The following DIXDC1 variants were observed in gnomAD, a reference collection of about 807,000 sequenced individuals.
The protein encoded by DIXDC1 is dixin.
Under a neutral mutation model 103.1 loss-of-function variants are expected in DIXDC1, and 64 were observed. The ratio of observed to expected loss-of-function variants is 0.62; its 90% confidence interval spans 0.51 to 0.76. The LOEUF is 0.76. DIXDC1 is among the 30% of genes least tolerant of loss of function. The probability of loss-of-function intolerance (pLI) is 0.00; values close to 1 mark genes in which losing one functional copy is unlikely to be tolerated. For synonymous variants in DIXDC1, 266 were observed against 298.5 expected (o/e 0.89, Z 1.12); for missense variants, 759 against 834.2 (o/e 0.91, Z 1.11).
chr11:111,981,203 T>C (rs1860295871), intron 6 of DIXDC1, among the ~76,000 whole-genome samples: 2 of 152,272 alleles, frequency 1.3e-5, no homozygotes, highest in South Asian at 2.1e-4. Flanking sequence ...ATAACTTAAA[T>C]TGGGACCAGA....
Position 112,017,876 on chromosome 11 carries a change from C to G in DIXDC1, c.1962C>G (p.Val654=). The G allele has an allele frequency of 1.2e-6, 2 of 1,607,396 alleles. No individual in the cohort carries two copies. The highest frequency in any genetic ancestry group is 1.7e-6 in the Non-Finnish European group (2 of 1,176,372). Residue 654 remains valine, a synonymous_variant, in exon 19 of 20, where the codon GTC becomes GTG. Coordinates refer to ENST00000440460, the MANE Select transcript of DIXDC1 (RefSeq NM_001037954.4). This position sits in a 1 kb window ranked among gnomAD's most constrained non-coding sequence, Gnocchi z 4.0. Reference sequence around the variant, plus strand: ...CACTGGATCCTGAGTTTGGCACTGTCAAAGAGGAGGTAAAGAATCTGTGGG... The same window carrying G: ...CACTGGATCCTGAGTTTGGCACTGTGAAAGAGGAGGTAAAGAATCTGTGGG... The part of the protein sequence containing the change: ...FKALDPEFGT[V]KEEIFHDDDA...
At chr11:111,931,521 T>C (rs1460491451) in intron 2 of DIXDC1, among the ~76,000 whole-genome samples, 2 of 152,006 alleles carry the variant, frequency 1.3e-5, no homozygotes, top group African/African-American at 4.8e-5. Context: ...CGGACGCCTG[T>C]AATCCCAGCT....
chr11:111,955,807 C>G (rs1196037785), intron 1 of DIXDC1, among the ~76,000 whole-genome samples: 2 of 126,096 alleles, frequency 1.6e-5, no homozygotes, highest in Admixed American at 2.0e-4. Flanking sequence ...GCATTCCAGC[C>G]TAGGTGACAG....
At chr11:111,975,736 C>G (rs1860075679) in intron 5 of DIXDC1, 2 of 985,362 alleles carry the variant, frequency 2.0e-6, no homozygotes, top group East Asian at 1.1e-4. Context: ...GTAATCTGCT[C>G]TATTTAGGGC....
chr11:111,928,015 C>CAAAAAA (rs782156043), intron 1 of DIXDC1, among the ~76,000 whole-genome samples: 9 of 68,742 alleles, frequency 1.3e-4, no homozygotes, highest in East Asian at 4.4e-4. Context: ...GACTCCATCT[C>CAAAAAA]AAAAAAAAAA....
intron 3 of DIXDC1, among the ~76,000 whole-genome samples, chr11:111,969,153 G>A (rs587634115): frequency 6.6e-6 from 1 of 151,908 alleles, no homozygotes; most frequent in East Asian, 2.0e-4. Flanking sequence ...ATTATGGTTG[G>A]GCATGGTGGC....
intron 17 of DIXDC1, among the ~76,000 whole-genome samples, chr11:111,999,310 T>C (rs1260132888): frequency 6.6e-6 from 1 of 152,198 alleles, no homozygotes; most frequent in African/African-American, 2.4e-5. Flanking sequence ...TGAAATCAAA[T>C]TGAGAGTTCA....
intron 2 of DIXDC1, among the ~76,000 whole-genome samples, chr11:111,965,554 A>G (rs1555171416): frequency 6.6e-6 from 1 of 152,206 alleles, no homozygotes; most frequent in East Asian, 1.9e-4. Flanking sequence ...GGGACAGTTT[A>G]TGAATTCATC....
intron 17 of DIXDC1, among the ~76,000 whole-genome samples, chr11:112,005,724 T>C (rs587657134): frequency 2.0e-5 from 3 of 152,022 alleles, no homozygotes; most frequent in South Asian, 2.1e-4. Flanking sequence ...CGTCCCCCCC[T>C]CAAAAAATAC....
At chr11:112,004,388 C>T (rs1861170013) in intron 17 of DIXDC1, among the ~76,000 whole-genome samples, 1 of 152,060 alleles carries the variant, frequency 6.6e-6, no homozygotes, top group African/African-American at 2.4e-5. Context: ...GTTGACCCCT[C>T]CGTCCCTGCT....
In DIXDC1 at chr11:112,017,562, T is replaced by A; in HGVS notation, c.1863-215T>A. ...GAAGCAATAAGTCAATTTTAAATTCTCACATCACCCCATATTTAATACTGT... is the reference window on the plus strand; with the variant it reads ...GAAGCAATAAGTCAATTTTAAATTCACACATCACCCCATATTTAATACTGT... On this transcript the variant is annotated intron_variant, in intron 18 of 19. Transcript: ENST00000440460. This position sits in a 1 kb window ranked among gnomAD's most constrained non-coding sequence, Gnocchi z 4.0. 3.2e-6 allele frequency: 1 copy of A among 314,498 alleles called. No individual in the cohort carries two copies. Among genetic ancestry groups the A allele is most frequent in the Non-Finnish European group, 5.9e-6 (1 of 170,390 alleles). 19.5% of individuals were successfully genotyped at this position (314,498 alleles called of 1,614,324 possible). A position where few individuals can be genotyped will look rare whatever the true frequency, so the allele number is the denominator to read the frequency against.
chr11:111,953,048 AT>A (rs1966845244), intron 1 of DIXDC1, among the ~76,000 whole-genome samples: 1 of 152,150 alleles, frequency 6.6e-6, no homozygotes, highest in African/African-American at 2.4e-5. Flanking sequence ...CTTTGGAGTG[AT>A]TTTCAGAATT....
Position 111,978,526 on chromosome 11 carries a change from T to C in DIXDC1, c.657-2211T>C, listed in dbSNP as rs1292813273. 2.6e-5 allele frequency among the ~76,000 whole-genome samples: 4 copies of C among 152,106 alleles called. No individual in the cohort carries two copies. The East Asian group carries it at 7.7e-4, about 29-fold the overall frequency. ...AATTCAAGAAAGAGAAATGTTGTTTTCCTTTGGCTGCTCTGCCACTCCCCC... is the reference window on the plus strand; with the variant it reads ...AATTCAAGAAAGAGAAATGTTGTTTCCCTTTGGCTGCTCTGCCACTCCCCC... On this transcript the variant is annotated intron_variant, in intron 5 of 19. Transcript: ENST00000440460.
At chr11:112,009,644 G>A (rs1861351704) in intron 17 of DIXDC1, among the ~76,000 whole-genome samples, 1 of 152,086 alleles carries the variant, frequency 6.6e-6, no homozygotes, top group African/African-American at 2.4e-5. Flanking sequence ...GGGATGCAAG[G>A]CTGGTTCAAC....
At chr11:112,008,629 A>G (rs1301547321) in intron 17 of DIXDC1, among the ~76,000 whole-genome samples, 1 of 152,236 alleles carries the variant, frequency 6.6e-6, no homozygotes, top group African/African-American at 2.4e-5. Context: ...GCACAATCAA[A>G]TTAGAACTCA....
rs1860893170 is a variant in DIXDC1, at chr11:111,996,166, C to T, written c.1756+20C>T. 6.2e-7 allele frequency: 1 copy of T among 1,608,612 alleles called. No individual in the cohort carries two copies. The highest frequency in any genetic ancestry group is 1.3e-5 in the African/African-American group (1 of 74,740). ...ACTCAAGTAAGTACCCATTTTTGCT[C>T]AGTAGGGACTCCTAGCATATTAGAC... is the stretch of plus-strand genomic sequence containing the variant. On this transcript the variant is annotated intron_variant, in intron 17 of 19. Coordinates refer to ENST00000440460, the MANE Select transcript of DIXDC1 (RefSeq NM_001037954.4).
At chr11:111,980,622 A>T in intron 5 of DIXDC1, 115 bp from the exon 6 acceptor site, 1 of 723,370 alleles carries the variant, frequency 1.4e-6, no homozygotes, top group East Asian at 2.7e-5. Flanking sequence ...TGTGTTACCC[A>T]TGGAGGAGTA....
At position 111,952,925 on chromosome 11, in the gene DIXDC1, G is replaced by C. The variant is rs377250809; in HGVS notation, c.61-11624G>C. 1.8e-4 allele frequency among the ~76,000 whole-genome samples: 28 copies of C among 152,178 alleles called. No individual in the cohort carries two copies. The East Asian group carries it at 1.9e-3, about 10-fold the overall frequency. ...GGATGGATTGAACTTGGGAGGTTGA[G>C]GCTGCAGTGAGCTGTGATCATGCCA... On this transcript the variant is annotated intron_variant, in intron 1 of 19. Coordinates refer to ENST00000440460, the MANE Select transcript of DIXDC1 (RefSeq NM_001037954.4).
At position 111,987,762 on chromosome 11, in the gene DIXDC1, C is replaced by T. The variant is rs587611268; in HGVS notation, c.1062+838C>T. ...GCAACCTCTGCCTCCTGGGTTCAAG[C>T]GATTCTCCTGCCTCAGCCTCCCAAG... On this transcript the variant is annotated intron_variant, in intron 9 of 19. Transcript: ENST00000440460. Among the ~76,000 whole-genome samples the T allele has an allele frequency of 2.7e-5, 4 of 150,730 alleles. No individual in the cohort carries two copies. The East Asian group carries it at 5.9e-4, about 22-fold the overall frequency.
Sources: allele counts gnomAD v4.1 joint callset (sites outside exome capture counted in the v4.1 genomes callset), GRCh38; gene constraint gnomAD v4.1.1; non-coding constraint Gnocchi (gnomAD v3.1); transcripts MANE v1.5; gene names NCBI Gene and HGNC (gene_info 2026-07-23, HGNC 2026-07-21).